The following LMTK3 variants were observed in gnomAD, a reference collection of about 807,000 sequenced individuals.
The protein encoded by LMTK3 is serine/threonine-protein kinase LMTK3.
A neutral mutation model predicts 116.7 loss-of-function variants in LMTK3; 27 were observed. That is an observed-to-expected ratio of 0.23 (90% CI 0.17 to 0.32). The LOEUF (loss-of-function observed/expected upper bound fraction) is 0.32. LMTK3 is among the 10% of genes least tolerant of loss of function. LMTK3 has a pLI of 1.00. For missense variants in LMTK3, 1,764 were observed against 2,068.5 expected, an observed-to-expected ratio of 0.85 and a Z score of 2.86; for synonymous variants, 965 against 971.0, an observed-to-expected ratio of 0.99 and a Z score of 0.11.
chr19:48,504,989 A>T (rs1294450826), intron 5 of LMTK3, among the ~76,000 whole-genome samples: 3 of 150,734 alleles, frequency 2.0e-5, no homozygotes, highest in African/African-American at 7.3e-5. Context: ...CTCCAAGTCA[A>T]CCCGGCCTCC....
intron 4 of LMTK3, 95 bp from the exon 5 acceptor site, chr19:48,509,064 G>A: frequency 1.3e-6 from 1 of 798,994 alleles, no homozygotes; most frequent in Non-Finnish European, 2.0e-6. Context: ...CCAACCCCCG[G>A]CTCCTTCCCA....
In LMTK3 at chr19:48,508,979, G is replaced by A. The variant is rs375411654; in HGVS notation, c.439-10C>T. The A allele has an allele frequency of 7.0e-6, 11 of 1,581,512 alleles. 1 individual carries two copies. The African/African-American group carries it at 1.5e-4, about 21-fold the overall frequency. On this transcript the variant is annotated splice_polypyrimidine_tract_variant and intron_variant, in intron 4 of 14. Transcript: ENST00000600059. ...TCTCTCCCAGGATCACCTGGTCAAG[G>A]GGCACCCAGGAGTCAGCGAGTGCCG...
At chr19:48,490,767 C>T (rs894695080) in intron 14 of LMTK3, among the ~76,000 whole-genome samples, 1 of 152,152 alleles carries the variant, frequency 6.6e-6, no homozygotes, top group Non-Finnish European at 1.5e-5. Flanking sequence ...GTTCCCCAAA[C>T]GGAGGTGGGA....
intron 14 of LMTK3, among the ~76,000 whole-genome samples, chr19:48,486,407 C>T (rs1972126508): frequency 6.6e-6 from 1 of 152,014 alleles, no homozygotes; most frequent in African/African-American, 2.4e-5. Context: ...GCAACGTCCC[C>T]TCCACAGAGT....
At position 48,501,267 on chromosome 19, in the gene LMTK3, G is replaced by C; in HGVS notation, c.1001+16C>G. 1 of 1,612,150 alleles carries C rather than the reference G, an allele frequency of 6.2e-7. No homozygotes were observed. Among genetic ancestry groups the C allele is most frequent in the Non-Finnish European group, 8.5e-7 (1 of 1,178,780 alleles). On this transcript the variant is annotated intron_variant, in intron 9 of 14. Transcript: ENST00000600059. Reference sequence around the variant, plus strand: ...CTTCCTGGCCTGCCTCGGCCCCCGCGGCCCGTGGTCCTCACCAGATGTTGC... The same window carrying C: ...CTTCCTGGCCTGCCTCGGCCCCCGCCGCCCGTGGTCCTCACCAGATGTTGC...
chr19:48,511,858 G>T (rs896318011), upstream of LMTK3: 1 of 201,432 alleles, frequency 5.0e-6, no homozygotes, highest in South Asian at 2.0e-4. Flanking sequence ...GTAGGATGGG[G>T]GGGGCGAGAA....
intron 11 of LMTK3, among the ~76,000 whole-genome samples, chr19:48,496,292 T>A (rs1320954573): frequency 1.3e-5 from 2 of 150,284 alleles, no homozygotes; most frequent in Admixed American, 6.6e-5. Flanking sequence ...CTTTTTTTCT[T>A]TTTCTTTTCT....
Position 48,500,927 on chromosome 19 carries a change from A to AG in LMTK3, c.1151+68dup. On this transcript the variant is annotated intron_variant, in intron 10 of 14. Transcript: ENST00000600059. The surrounding 1 kb of genome is among the most constrained non-coding windows in gnomAD (Gnocchi z 4.0). ...CGGGATGTGGGTGATGTGGGAAACG[A>AG]GGGGGGATGCTGGGACCATCCTGGG... 1.4e-6 allele frequency: 2 copies of AG among 1,412,134 alleles called. No individual in the cohort carries two copies. The highest frequency in any genetic ancestry group is 1.9e-6 in the Non-Finnish European group (2 of 1,067,498). 87.5% of individuals were successfully genotyped at this position (1,412,134 alleles called of 1,614,324 possible).
chr19:48,503,570 C>T (rs1972510343), intron 5 of LMTK3, among the ~76,000 whole-genome samples: 1 of 152,100 alleles, frequency 6.6e-6, no homozygotes, highest in Non-Finnish European at 1.5e-5. Flanking sequence ...TCCCCACAGC[C>T]TCCTCCCAGC....
chr19:48,503,825 T>G (rs1367567208), intron 5 of LMTK3, among the ~76,000 whole-genome samples: 1 of 150,508 alleles, frequency 6.6e-6, no homozygotes, highest in Non-Finnish European at 1.5e-5. Context: ...TTTCCTTCCT[T>G]GCTTCCTCCC....
chr19:48,496,109 GTTTT>G (rs1972317640), intron 11 of LMTK3, among the ~76,000 whole-genome samples: 1 of 151,070 alleles, frequency 6.6e-6, no homozygotes, highest in Non-Finnish European at 1.5e-5. Context: ...TGTTTGTTTT[GTTTT>G]GTTTTGTTTT....
chr19:48,511,589 G>T lies in LMTK3; in HGVS notation c.-13C>A. Reference sequence around the variant, plus strand: ...CGGGGGCAGGCATCTTGTCGAGGATGGCAGGGAGGTGGAGGTGGTGGCGGC... The same window carrying T: ...CGGGGGCAGGCATCTTGTCGAGGATTGCAGGGAGGTGGAGGTGGTGGCGGC... On this transcript the variant is annotated 5_prime_UTR_variant, in exon 1 of 15. Coordinates refer to ENST00000600059, the MANE Select transcript of LMTK3 (RefSeq NM_001388485.1). 1 of 1,367,910 alleles carries T rather than the reference G, an allele frequency of 7.3e-7. No individual in the cohort carries two copies. The highest frequency in any genetic ancestry group is 9.7e-7 in the Non-Finnish European group (1 of 1,035,484). The allele number at this position is 1,367,910 out of a possible 1,614,324, so 84.7% of individuals were successfully genotyped here.
Position 48,511,620 on chromosome 19 carries a change from A to AGGTGGGGGGGGGGGGGGGGGGGG in LMTK3, c.-45_-44insCCCCCCCCCCCCCCCCCCCCACC. 1.7e-5 allele frequency: 2 copies of AGGTGGGGGGGGGGGGGGGGGGGG among 118,220 alleles called. No individual in the cohort carries two copies. The highest frequency in any genetic ancestry group is 1.0e-4 in the East Asian group (1 of 9,764). The allele number at this position is 118,220 out of a possible 1,614,324, so 7.3% of individuals were successfully genotyped here. A position where few individuals can be genotyped will look rare whatever the true frequency, so the allele number is the denominator to read the frequency against. ...GAGGTGGAGGTGGTGGCGGCTGGGG[A>AGGTGGGGGGGGGGGGGGGGGGGG]GGAGGGGGGGGCGGGCCCTCAGCCC... On this transcript the variant is annotated 5_prime_UTR_variant, in exon 1 of 15. Coordinates refer to ENST00000600059, the MANE Select transcript of LMTK3 (RefSeq NM_001388485.1).
In LMTK3 at chr19:48,498,474, G is replaced by A. The variant is rs1472761843; in HGVS notation, c.2595C>T (p.Ser865=). The A allele has an allele frequency of 1.9e-6, 3 of 1,601,346 alleles. No homozygotes were observed. The highest frequency in any genetic ancestry group is 2.6e-6 in the Non-Finnish European group (3 of 1,174,052). The stretch of plus-strand genomic sequence containing the variant: ...GGTTCCTTGTCACATCCTCCCGCAG[G>A]GACATCAGCAGCTGTTCCGTGCTCA... ...VQVSTEQLLM[S]LREDVTRNLL... is the part of the protein sequence containing the mutation. The change falls in exon 11 of 15, where the codon TCC becomes TCT. Residue 865 remains serine (S), a synonymous_variant. Transcript: ENST00000600059.
intron 5 of LMTK3, among the ~76,000 whole-genome samples, chr19:48,507,385 G>A (rs568234400): frequency 6.6e-6 from 1 of 152,318 alleles, no homozygotes; most frequent in South Asian, 2.1e-4. Context: ...CGTCTACTGA[G>A]AGCCAGCAGC....
upstream of LMTK3, chr19:48,511,879 G>A (rs1224382001): frequency 6.4e-6 from 2 of 311,166 alleles, no homozygotes; most frequent in Admixed American, 5.1e-5. Flanking sequence ...AGAGGGCCCC[G>A]CCCCCGAGGG....
At chr19:48,493,500 C>T (rs918507713) in intron 12 of LMTK3, among the ~76,000 whole-genome samples, 194 bp downstream of exon 12, 3 of 146,458 alleles carry the variant, frequency 2.0e-5, no homozygotes, top group African/African-American at 8.0e-5. Flanking sequence ...CCACGCCCCA[C>T]TCTAACTCGG....
intron 7 of LMTK3, 149 bp from the exon 8 acceptor site, chr19:48,501,711 C>T (rs1303417586): frequency 5.0e-6 from 4 of 807,812 alleles, no homozygotes; most frequent in Non-Finnish European, 8.1e-6. Flanking sequence ...TCCCCTCTGA[C>T]TGCTTTCACT....
chr19:48,485,863 G>A (rs745684351), intron 14 of LMTK3, 74 bp from the exon 15 acceptor site: 15 of 1,477,786 alleles, frequency 1.0e-5, no homozygotes, highest in East Asian at 7.1e-5. Flanking sequence ...GTCACTCAGC[G>A]GAAAAGCAAA....
Sources: allele counts gnomAD v4.1 joint callset (sites outside exome capture counted in the v4.1 genomes callset), GRCh38; gene constraint gnomAD v4.1.1; non-coding constraint Gnocchi (gnomAD v3.1); transcripts MANE v1.5; gene names NCBI Gene and HGNC (gene_info 2026-07-23, HGNC 2026-07-21).